The following NAV2 variants were observed in gnomAD, a reference collection of about 807,000 sequenced individuals.
NAV2 encodes the protein neuron navigator 2.
A neutral mutation model predicts 223.2 loss-of-function variants in NAV2; 54 were observed. That is an observed-to-expected ratio of 0.24 (90% CI 0.19 to 0.30). The LOEUF is 0.30. Ranked by LOEUF, NAV2 falls within the 10% of genes least tolerant of loss-of-function variation. NAV2 has a pLI of 1.00. For synonymous variants in NAV2, 1,279 were observed against 1,239.3 expected (o/e 1.03, Z -0.67); for missense variants, 2,806 against 3,147.5 (o/e 0.89, Z 2.60).
rs566684031 is a variant in NAV2, at chr11:20,067,421, T to G, written c.4885-765T>G. 4.6e-5 allele frequency among the ~76,000 whole-genome samples: 7 copies of G among 152,276 alleles called. No homozygotes were observed. In the East Asian group the frequency reaches 1.2e-3, roughly 25 times the overall value. ...CCTCAATTAAATGTGAAATTTAGAT[T>G]AACAACAAAATTTTTTTTAGTATAA... On this transcript the variant is annotated intron_variant, in intron 20 of 37. Coordinates refer to ENST00000349880, the MANE Select transcript of NAV2 (RefSeq NM_145117.5).
chr11:19,936,533 C>T (rs549015934), intron 7 of NAV2, among the ~76,000 whole-genome samples: 1 of 152,222 alleles, frequency 6.6e-6, no homozygotes, highest in Admixed American at 6.5e-5. Flanking sequence ...CTCTGGGTAA[C>T]TAACGTCCTT....
rs113631170 is a variant in NAV2, at chr11:19,528,714, G to A, written c.75+177687G>A. ...TGGGAGGCTGAGATGGGCAGATCAC[G>A]AGGTCAAGAGATCGAAACCATCCTG... On this transcript the variant is annotated intron_variant, in intron 1 of 37. Transcript: ENST00000360655. Among the ~76,000 whole-genome samples the A allele has an allele frequency of 8.8e-3, 1,343 of 152,146 alleles. 16 individuals carry two copies. The highest frequency in any genetic ancestry group is 0.031 in the African/African-American group (1,268 of 41,496).
chr11:19,792,802 G>C (rs932086934), intron 1 of NAV2, among the ~76,000 whole-genome samples: 8 of 152,048 alleles, frequency 5.3e-5, no homozygotes, highest in Non-Finnish European at 1.2e-4. Context: ...GTTTGTTCTG[G>C]GGGAGGTTTT....
chr11:19,864,361 A>C (rs2061967179), intron 3 of NAV2, among the ~76,000 whole-genome samples: 1 of 152,230 alleles, frequency 6.6e-6, no homozygotes, highest in Non-Finnish European at 1.5e-5. Context: ...TATTCGGAGA[A>C]AAATGCTGCC....
chr11:20,049,033 C>G lies in NAV2; in HGVS notation c.4208C>G (p.Ser1403Cys). 3 of 1,614,162 alleles carry G rather than the reference C, an allele frequency of 1.9e-6. No homozygotes were observed. The highest frequency in any genetic ancestry group is 2.5e-6 in the Non-Finnish European group (3 of 1,180,040). The change falls in exon 15 of 38, where the codon TCT becomes TGT. Residue 1403 changes from serine to cysteine, a missense_variant. Ser to Cys is a moderately radical substitution (Grantham distance 112, BLOSUM62 -1). Coordinates refer to ENST00000349880, the MANE Select transcript of NAV2 (RefSeq NM_145117.5). ...AGCAAGGATGGCCTGGGCTTTCAGTCTGTCAGCAGCCTCCACACCAGCTGT... is the reference window on the plus strand; with the variant it reads ...AGCAAGGATGGCCTGGGCTTTCAGTGTGTCAGCAGCCTCCACACCAGCTGT... ...AVSKDGLGFQ[S>C]VSSLHTSCES...
chr11:19,485,834 T>C (rs891973187), intron 1 of NAV2, among the ~76,000 whole-genome samples: 14 of 151,992 alleles, frequency 9.2e-5, no homozygotes, highest in Admixed American at 5.9e-4. Context: ...TACTATGGAA[T>C]AAAGATGCCA....
At chr11:20,054,353 T>C in intron 18 of NAV2, 113 bp downstream of exon 18, 1 of 1,065,558 alleles carries the variant, frequency 9.4e-7, no homozygotes, top group Non-Finnish European at 1.3e-6. Context: ...TGGTTTTGGT[T>C]ACATGGGTAA....
chr11:19,870,550 C>T (rs2062416291), intron 4 of NAV2, among the ~76,000 whole-genome samples: 2 of 152,150 alleles, frequency 1.3e-5, no homozygotes, highest in Admixed American at 1.3e-4. Flanking sequence ...CAGCCATCTA[C>T]CCATTGGCCT....
Position 19,481,932 on chromosome 11 carries a change from A to G in NAV2, c.75+130905A>G, listed in dbSNP as rs146668848. On this transcript the variant is annotated intron_variant, in intron 1 of 37. Coordinates refer to the NAV2 transcript ENST00000360655. ...CTTTAATAGTAAAAGGTCAGTTAAG[A>G]TGACTTTCATACTGTCATCCACAGC... Among the ~76,000 whole-genome samples the G allele has an allele frequency of 1.1e-4, 16 of 152,352 alleles. 1 individual carries two copies. In the East Asian group the frequency reaches 1.9e-3, roughly 18 times the overall value.
chr11:19,426,992 CA>C (rs1419463528), intron 1 of NAV2, among the ~76,000 whole-genome samples: 1 of 151,982 alleles, frequency 6.6e-6, no homozygotes, highest in Non-Finnish European at 1.5e-5. Context: ...AAGAAAAACA[CA>C]AATTAAATCC....
intron 1 of NAV2, among the ~76,000 whole-genome samples, chr11:19,641,262 A>T (rs1238585670): frequency 6.6e-6 from 1 of 152,176 alleles, no homozygotes. Context: ...GACCAATGAC[A>T]GCATTTTCTA....
At chr11:19,751,234 A>G (rs528204624) in intron 1 of NAV2, among the ~76,000 whole-genome samples, 13 of 152,382 alleles carry the variant, frequency 8.5e-5, no homozygotes, top group Admixed American at 3.9e-4. Flanking sequence ...GGGAGGTGAC[A>G]GAGCTGGGAC....
At chr11:19,524,792 A>C (rs150189337) in intron 1 of NAV2, among the ~76,000 whole-genome samples, 58 of 152,274 alleles carry the variant, frequency 3.8e-4, no homozygotes, top group African/African-American at 1.3e-3. Context: ...CTTCCCTAGG[A>C]GATGGTGTCT....
In NAV2 at chr11:20,029,394, C is replaced by A. The variant is rs185027407; in HGVS notation, c.2769-6565C>A. ...CAGCATAGCTAAAAGCGTTGGTGGG[C>A]CCGGGCTTTGGAACTCTGCCAGAAG... On this transcript the variant is annotated intron_variant, in intron 11 of 37. Transcript: ENST00000349880. Among the ~76,000 whole-genome samples, 235 of 152,246 alleles carry A rather than the reference C, an allele frequency of 1.5e-3. 1 individual carries two copies. The highest frequency in any genetic ancestry group is 5.4e-3 in the African/African-American group (223 of 41,528).
At chr11:19,941,279 G>A (rs1334204557) in intron 8 of NAV2, among the ~76,000 whole-genome samples, 3 of 151,984 alleles carry the variant, frequency 2.0e-5, no homozygotes, top group Admixed American at 2.0e-4. Flanking sequence ...ATCGGCTGCG[G>A]GGAAGAGACT....
intron 1 of NAV2, among the ~76,000 whole-genome samples, chr11:19,652,009 G>T (rs1272254825): frequency 6.6e-6 from 1 of 152,208 alleles, no homozygotes; most frequent in Admixed American, 6.5e-5. Context: ...GCGTAAGAAA[G>T]CTGTACTGCA....
At chr11:19,372,791 A>G (rs558701635) in intron 1 of NAV2, among the ~76,000 whole-genome samples, 1 of 152,354 alleles carries the variant, frequency 6.6e-6, no homozygotes, top group South Asian at 2.1e-4. Flanking sequence ...TCCTGGCCCC[A>G]TCAGCACTAC....
intron 1 of NAV2, among the ~76,000 whole-genome samples, chr11:19,653,079 C>T (rs1176673290): frequency 1.3e-5 from 2 of 152,146 alleles, no homozygotes; most frequent in Admixed American, 6.6e-5. Context: ...TCTCCATTCC[C>T]TTCTTGAGGC....
intron 1 of NAV2, among the ~76,000 whole-genome samples, chr11:19,725,274 G>C (rs948891786): frequency 2.0e-5 from 3 of 152,182 alleles, no homozygotes; most frequent in Admixed American, 2.0e-4. Context: ...CTGAATCTCA[G>C]GCAGTGACTA....
Sources: gnomAD v4.1 joint callset for allele counts (sites outside exome capture counted in the v4.1 genomes callset) on GRCh38, gnomAD v4.1.1 for gene constraint, MANE v1.5 for transcripts, NCBI Gene and HGNC (gene_info 2026-07-23, HGNC 2026-07-21) for gene names.